RELL1: variants seen among roughly 807,000 people sequenced by gnomAD.
The protein encoded by RELL1 is RELT like 1.
In RELL1, 10 loss-of-function variants were observed where a neutral mutation model predicts 23.0. The ratio of observed to expected loss-of-function variants is 0.43; its 90% CI spans 0.27 to 0.74. RELL1 has a LOEUF of 0.74. RELL1 is among the 30% of genes least tolerant of loss of function. The probability of loss-of-function intolerance (pLI) is 0.19; values close to 1 mark genes in which losing one functional copy is unlikely to be tolerated. For synonymous variants in RELL1, 146 were observed against 146.8 expected (o/e 0.99, Z 0.04); for missense variants, 315 against 364.4 (o/e 0.86, Z 1.10).
chr4:37,682,836 A>AT (rs1722267585), intron 1 of RELL1, among the ~76,000 whole-genome samples: 1 of 152,192 alleles, frequency 6.6e-6, no homozygotes, highest in South Asian at 2.1e-4. Context: ...AGGACAATGC[A>AT]TTTTTCATCT....
rs537176169 is a variant in RELL1 at position 37,640,685 on chromosome 4, T to C, written c.386-2181A>G. On this transcript the variant is annotated intron_variant, in intron 3 of 6. Coordinates refer to ENST00000454158, the MANE Select transcript of RELL1 (RefSeq NM_001085400.2). ...TCCTATGTAAATAGTTGTTATGCTG[T>C]TTTATATGGGAAATAATGACAAGAA... Among the ~76,000 whole-genome samples, 22 of 152,328 alleles carry C rather than the reference T, an allele frequency of 1.4e-4. 1 individual carries two copies. In the South Asian group the frequency reaches 2.7e-3, roughly 19 times the overall value.
intron 6 of RELL1, among the ~76,000 whole-genome samples, chr4:37,601,345 A>C (rs924490315): frequency 1.3e-5 from 2 of 152,238 alleles, no homozygotes; most frequent in African/African-American, 2.4e-5. Flanking sequence ...GTTTCATCTG[A>C]GAGACCACTG....
Position 37,647,446 on chromosome 4 carries a change from G to C in RELL1, c.314-7C>G, listed in dbSNP as rs372934493. ...TTCACACTGTCATTCAATTCTGAAA[G>C]AGAAAAGAGGAGGGGAGAACAGGTT... On this transcript the variant is annotated splice_polypyrimidine_tract_variant and splice_region_variant and intron_variant, in intron 2 of 6. Transcript: ENST00000454158. 2.5e-6 allele frequency: 4 copies of C among 1,602,806 alleles called. No individual in the cohort carries two copies. The African/African-American group carries it at 4.0e-5, about 16-fold the overall frequency.
chr4:37,679,454 A>C (rs1013584963), intron 1 of RELL1, among the ~76,000 whole-genome samples: 1 of 152,198 alleles, frequency 6.6e-6, no homozygotes, highest in Admixed American at 6.5e-5. Context: ...AACAGACACA[A>C]ATAAATGAGT....
intron 1 of RELL1, among the ~76,000 whole-genome samples, chr4:37,664,132 C>T (rs370854279): frequency 6.6e-6 from 1 of 152,112 alleles, no homozygotes; most frequent in East Asian, 1.9e-4. Context: ...AATCCCAGCA[C>T]TTTGGGAGGC....
At chr4:37,631,324 C>CA (rs1266422154) in intron 6 of RELL1, 61 bp downstream of exon 6, 31 of 1,532,354 alleles carry the variant, frequency 2.0e-5, no homozygotes, top group Non-Finnish European at 2.6e-5. Context: ...TGGGAGGCTC[C>CA]AAGTACCTTC....
intron 3 of RELL1, among the ~76,000 whole-genome samples, chr4:37,639,444 T>C (rs1163447097): frequency 7.1e-6 from 1 of 140,824 alleles, no homozygotes; most frequent in Non-Finnish European, 1.5e-5. Flanking sequence ...AGTTATGTAA[T>C]ATACGCTAAC....
rs890854613 is a variant in RELL1, at chr4:37,686,354, C to T, written c.-67G>A. 7.9e-7 allele frequency: 1 copy of T among 1,260,906 alleles called. No individual in the cohort carries two copies. The highest frequency in any genetic ancestry group is 1.0e-6 in the Non-Finnish European group (1 of 957,018). 78.1% of individuals were successfully genotyped at this position (1,260,906 alleles called of 1,614,324 possible). On this transcript the variant is annotated 5_prime_UTR_variant, in exon 1 of 7. Coordinates refer to ENST00000454158, the MANE Select transcript of RELL1 (RefSeq NM_001085400.2). ...CGCGCTCGGGAAGGCAGAGCCGCTC[C>T]GGAGCCGGCGGGCTGATCGAGTGGC...
chr4:37,636,260 G>A (rs17423284), intron 4 of RELL1, among the ~76,000 whole-genome samples: 3 of 152,064 alleles, frequency 2.0e-5, no homozygotes, highest in African/African-American at 7.2e-5. Flanking sequence ...AGACCACTTT[G>A]ATAATCTGGA....
In RELL1 at chr4:37,686,361, G is replaced by T. The variant is rs528999720; in HGVS notation, c.-74C>A. 7 of 1,223,084 alleles carry T rather than the reference G, an allele frequency of 5.7e-6. No homozygotes were observed. The African/African-American group carries it at 8.0e-5, about 14-fold the overall frequency. The allele number at this position is 1,223,084 out of a possible 1,614,324, so 75.8% of individuals were successfully genotyped here. A position where few individuals can be genotyped will look rare whatever the true frequency, so the allele number is the denominator to read the frequency against. On this transcript the variant is annotated 5_prime_UTR_variant, in exon 1 of 7. Coordinates refer to ENST00000454158, the MANE Select transcript of RELL1 (RefSeq NM_001085400.2). ...GGGAAGGCAGAGCCGCTCCGGAGCC[G>T]GCGGGCTGATCGAGTGGCTGGGCTG... is the stretch of plus-strand genomic sequence containing the variant.
chr4:37,601,428 C>T (rs1719013356), intron 6 of RELL1, among the ~76,000 whole-genome samples: 1 of 152,150 alleles, frequency 6.6e-6, no homozygotes, highest in African/African-American at 2.4e-5. Context: ...TCACAACCAC[C>T]CTAAAAGGCA....
At chr4:37,639,207 AC>A (rs1190809012) in intron 3 of RELL1, among the ~76,000 whole-genome samples, 2 of 151,984 alleles carry the variant, frequency 1.3e-5, no homozygotes, top group African/African-American at 4.8e-5. Context: ...ACACGGTGAA[AC>A]CCCATCTGTA....
chr4:37,622,168 G>A (rs1719790373), intron 6 of RELL1, among the ~76,000 whole-genome samples: 1 of 152,088 alleles, frequency 6.6e-6, no homozygotes, highest in Non-Finnish European at 1.5e-5. Context: ...CAACAGTCAG[G>A]GAACCACAGA....
chr4:37,668,351 G>A (rs1721616048), intron 1 of RELL1, among the ~76,000 whole-genome samples: 1 of 152,176 alleles, frequency 6.6e-6, no homozygotes, highest in African/African-American at 2.4e-5. Context: ...GAGTGCCTGC[G>A]ATTGTAGGCC....
intron 6 of RELL1, among the ~76,000 whole-genome samples, chr4:37,601,192 G>A (rs146488415): frequency 3.6e-4 from 55 of 152,202 alleles, no homozygotes; most frequent in African/African-American, 1.3e-3. Flanking sequence ...ACCTGGTTCC[G>A]CCCCCAGCCC....
downstream of RELL1, among the ~76,000 whole-genome samples, chr4:37,587,692 G>A (rs891011706): frequency 3.9e-5 from 6 of 152,174 alleles, no homozygotes; most frequent in South Asian, 2.1e-4. Context: ...CTGTAGGCCC[G>A]TCACAGTGGC....
intron 1 of RELL1, among the ~76,000 whole-genome samples, chr4:37,669,202 T>C (rs1438683610): frequency 1.0e-3 from 93 of 89,410 alleles, no homozygotes; most frequent in African/African-American, 4.3e-3. Flanking sequence ...GTCAGCCCCC[T>C]GCCTGGCCAG....
In RELL1 at chr4:37,604,870, C is replaced by G. The variant is rs866260217; in HGVS notation, c.*4-13653G>C. ...ACACACAGACACACACACACAGACACACACACACATACACACAGACACACA... is the reference window on the plus strand; with the variant it reads ...ACACACAGACACACACACACAGACAGACACACACATACACACAGACACACA... On this transcript the variant is annotated intron_variant, in intron 6 of 6. Coordinates refer to the RELL1 transcript ENST00000314117. 1.2e-3 allele frequency among the ~76,000 whole-genome samples: 168 copies of G among 137,902 alleles called. 4 individuals are homozygous for G. Among genetic ancestry groups the G allele is most frequent in the South Asian group, 2.1e-3 (9 of 4,240 alleles). 90.5% of individuals were successfully genotyped at this position (137,902 alleles called of 152,430 possible).
chr4:37,677,423 A>C (rs901786034), intron 1 of RELL1, among the ~76,000 whole-genome samples: 24 of 152,340 alleles, frequency 1.6e-4, no homozygotes, highest in African/African-American at 5.8e-4. Flanking sequence ...TCCTCCTCCT[A>C]AGAGTCTCAT....
Sources: gnomAD v4.1 joint callset for allele counts (sites outside exome capture counted in the v4.1 genomes callset) on GRCh38, gnomAD v4.1.1 for gene constraint, MANE v1.5 for transcripts, NCBI Gene and HGNC (gene_info 2026-07-23, HGNC 2026-07-21) for gene names.